ADGRG4: variants seen among roughly 807,000 people sequenced by gnomAD.
ADGRG4 encodes adhesion G protein-coupled receptor G4.
ADGRG4 carries 122 observed loss-of-function variants against 126.2 expected under a neutral mutation model. That is an observed-to-expected ratio of 0.97 (90% CI 0.83 to 1.12). ADGRG4 has a LOEUF of 1.12. ADGRG4 is among the 50% of genes most tolerant of loss of function. The probability of loss-of-function intolerance (pLI) is 0.00; values close to 1 mark genes in which losing one functional copy is unlikely to be tolerated. For missense variants in ADGRG4, 2,481 were observed against 2,251.8 expected, an observed-to-expected ratio of 1.10 and a Z score of -2.06; for synonymous variants, 943 against 838.7, an observed-to-expected ratio of 1.12 and a Z score of -2.15.
intron 5 of ADGRG4, among the ~76,000 whole-genome samples, chrX:136,342,905 TG>T (rs1188695471): frequency 1.3e-5 from 1 of 78,758 alleles, no homozygotes. Context: ...TGTGTGTGTG[TG>T]TGTGTGTGTG....
chrX:136,318,431 G>A (rs973083305), intron 4 of ADGRG4, among the ~76,000 whole-genome samples: 2 of 111,913 alleles, frequency 1.8e-5, no homozygotes, highest in South Asian at 3.7e-4. Context: ...CTTTTTGGAT[G>A]ATGAAAATGT....
chrX:136,413,371 G>A (rs988578666), intron 24 of ADGRG4, among the ~76,000 whole-genome samples: 1 of 109,628 alleles, frequency 9.1e-6, no homozygotes, highest in Non-Finnish European at 1.9e-5. Flanking sequence ...AGTTTACTGA[G>A]AATGATGATT....
chrX:136,393,433 A>G (rs2075330071), intron 17 of ADGRG4, 102 bp from the exon 18 acceptor site: 1 of 667,657 alleles, frequency 1.5e-6, no homozygotes. Context: ...GTGCATGTTT[A>G]CCATGGGAAA....
At chrX:136,395,313 G>A in intron 18 of ADGRG4, 77 bp from the exon 19 acceptor site, 2 of 567,950 alleles carry the variant, frequency 3.5e-6, no homozygotes, top group Non-Finnish European at 5.9e-6. Context: ...CACACGTTTG[G>A]ATAGTGAATA....
intron 15 of ADGRG4, among the ~76,000 whole-genome samples, chrX:136,382,740 C>T (rs1332518169): frequency 2.7e-5 from 3 of 111,385 alleles, no homozygotes; most frequent in Admixed American, 1.9e-4. Flanking sequence ...CTTGATAGTC[C>T]GGATCAATCA....
At chrX:136,315,472 T>C (rs2074799417) in intron 4 of ADGRG4, among the ~76,000 whole-genome samples, 1 of 111,154 alleles carries the variant, frequency 9.0e-6, no homozygotes, top group Admixed American at 9.6e-5. Context: ...GTAGCCTTGG[T>C]AGAACGCTCA....
intron 19 of ADGRG4, among the ~76,000 whole-genome samples, chrX:136,396,788 T>C (rs1256625640): frequency 2.8e-5 from 3 of 105,312 alleles, no homozygotes; most frequent in Non-Finnish European, 5.8e-5. Context: ...CAAATAGTTC[T>C]GTCTTTTTTT....
rs188207346 is a variant in ADGRG4, at chrX:136,344,774, G to A, written c.1068G>A (p.Met356Ile). Residue 356 changes from methionine to isoleucine, a missense_variant, in exon 6 of 26, where the codon ATG becomes ATA. Physicochemically the swap from Met to Ile is conservative, Grantham distance 10 (BLOSUM62 1). Coordinates refer to ENST00000394143, the MANE Select transcript of ADGRG4 (RefSeq NM_153834.4). ...PSSESTKTTK[M>I]VEAMATEIFQ... ...CAGAAAGCACAAAGACAACAAAAAT[G>A]GTTGAAGCCATGGCTACTGAAATCT... 1 of 1,208,117 alleles carries A rather than the reference G, an allele frequency of 8.3e-7. No individual in the cohort carries two copies. The highest frequency in any genetic ancestry group is 3.0e-5 in the East Asian group (1 of 33,741).
intron 5 of ADGRG4, among the ~76,000 whole-genome samples, chrX:136,326,062 T>C (rs774589877): frequency 1.8e-5 from 2 of 112,321 alleles, no homozygotes; most frequent in South Asian, 3.7e-4. Flanking sequence ...GACTGAATCA[T>C]GGTGGGCATA....
chrX:136,330,160 C>A (rs904040870), intron 5 of ADGRG4, among the ~76,000 whole-genome samples: 1 of 111,016 alleles, frequency 9.0e-6, no homozygotes, highest in African/African-American at 3.3e-5. Flanking sequence ...ATCACCTGGG[C>A]AAACTTGTGT....
chrX:136,371,306 T>C, intron 13 of ADGRG4, 22 bp from the exon 14 acceptor site: 1 of 1,065,403 alleles, frequency 9.4e-7, no homozygotes, highest in Non-Finnish European at 1.3e-6. Context: ...GCAGCTTTTA[T>C]GTCTCAACTT....
chrX:136,357,995 G>C (rs1175474541), intron 10 of ADGRG4, among the ~76,000 whole-genome samples: 1 of 111,921 alleles, frequency 8.9e-6, no homozygotes, highest in Non-Finnish European at 1.9e-5. Flanking sequence ...AGAAAAAGGG[G>C]TGGTCATAAT....
chrX:136,305,801 A>C (rs1736945394), intron 3 of ADGRG4, among the ~76,000 whole-genome samples: 1 of 112,209 alleles, frequency 8.9e-6, no homozygotes, highest in Non-Finnish European at 1.9e-5. Context: ...AATTTAATTA[A>C]AGCAATAATC....
chrX:136,315,551 A>G (rs113091334), intron 4 of ADGRG4, among the ~76,000 whole-genome samples: 6,721 of 110,500 alleles, frequency 0.061, 517 homozygotes, highest in African/African-American at 0.21. Context: ...TTTTCCTCAA[A>G]TCTGCTCTGC....
intron 18 of ADGRG4, among the ~76,000 whole-genome samples, chrX:136,393,954 G>T (rs906023119): frequency 8.9e-6 from 1 of 111,944 alleles, no homozygotes; most frequent in African/African-American, 3.2e-5. Flanking sequence ...TTGGAAGAAA[G>T]AAATTTGGAA....
At chrX:136,312,679 C>T (rs2074780225) in intron 4 of ADGRG4, among the ~76,000 whole-genome samples, 2 of 111,808 alleles carry the variant, frequency 1.8e-5, no homozygotes, top group South Asian at 7.4e-4. Flanking sequence ...ATATAATTTA[C>T]ATACCATACA....
chrX:136,336,865 C>T (rs2074951075), intron 5 of ADGRG4, among the ~76,000 whole-genome samples: 1 of 111,757 alleles, frequency 8.9e-6, no homozygotes, highest in African/African-American at 3.3e-5. Flanking sequence ...CTTGGTATTA[C>T]AATATGAAAA....
intron 15 of ADGRG4, among the ~76,000 whole-genome samples, chrX:136,377,167 C>CTTTTTTTTTTTTTTTTTTTTTTTTTTTT (rs1184343263): frequency 1.6e-4 from 8 of 48,637 alleles, no homozygotes; most frequent in African/African-American, 4.1e-4. Context: ...GTTTTCTTTC[C>CTTTTTTTTTTTTTTTTTTTTTTTTTTTT]TTTTTTTTTT....
At chrX:136,302,751 G>A (rs2074709900) in intron 1 of ADGRG4, among the ~76,000 whole-genome samples, 1 of 111,753 alleles carries the variant, frequency 8.9e-6, no homozygotes, top group African/African-American at 3.3e-5. Context: ...AGAAGAACAG[G>A]TAATAATAGC....
Sources: allele counts gnomAD v4.1 joint callset (sites outside exome capture counted in the v4.1 genomes callset), GRCh38; gene constraint gnomAD v4.1.1; transcripts MANE v1.5; gene names NCBI Gene and HGNC (gene_info 2026-07-23, HGNC 2026-07-21).